Variants in ARID4B observed in about 807,000 individuals in gnomAD.
ARID4B encodes AT-rich interactive domain-containing protein 4B.
A neutral mutation model predicts 147.5 loss-of-function variants in ARID4B; 26 were observed. That is an observed-to-expected ratio of 0.18 (90% CI 0.13 to 0.24). The LOEUF (loss-of-function observed/expected upper bound fraction) is 0.24. ARID4B is among the 10% of genes least tolerant of loss of function. ARID4B has a pLI of 1.00. For synonymous variants in ARID4B, 512 were observed against 507.9 expected (o/e 1.01, Z -0.11); for missense variants, 1,179 against 1,511.5 (o/e 0.78, Z 3.65).
intron 2 of ARID4B, among the ~76,000 whole-genome samples, chr1:235,301,279 T>C (rs1673120279): frequency 6.6e-6 from 1 of 151,818 alleles, no homozygotes; most frequent in Non-Finnish European, 1.5e-5. Flanking sequence ...GGCTCACGCC[T>C]GTTATCTGAA....
intron 2 of ARID4B, among the ~76,000 whole-genome samples, chr1:235,262,860 TAATG>T (rs1391451368): frequency 2.6e-5 from 4 of 152,246 alleles, no homozygotes; most frequent in African/African-American, 9.6e-5. Context: ...GCACAAGTGA[TAATG>T]AATGTGTTTG....
chr1:235,302,153 G>GAAAAAAAAAAAAA (rs749154889), intron 2 of ARID4B, among the ~76,000 whole-genome samples: 7 of 30,640 alleles, frequency 2.3e-4, no homozygotes, highest in East Asian at 9.3e-4. Context: ...TCAAAAAACG[G>GAAAAAAAAAAAAA]AAAAAAAAAA....
intron 17 of ARID4B, among the ~76,000 whole-genome samples, chr1:235,206,186 G>A (rs777318982): frequency 6.6e-5 from 10 of 152,080 alleles, no homozygotes; most frequent in Non-Finnish European, 1.5e-4. Context: ...TCTAGATGTG[G>A]TAAGGGATAT....
intron 11 of ARID4B, among the ~76,000 whole-genome samples, chr1:235,225,968 A>G (rs560206975): frequency 9.9e-4 from 151 of 152,188 alleles, no homozygotes; most frequent in Non-Finnish European, 1.8e-3. Flanking sequence ...CCATACATTC[A>G]GGTTTTGGTA....
intron 3 of ARID4B, 44 bp downstream of exon 3, chr1:235,260,598 T>G (rs1463967039): frequency 1.2e-5 from 17 of 1,411,064 alleles, no homozygotes; most frequent in Non-Finnish European, 1.5e-5. Context: ...AGTTTACATA[T>G]CAAATGCTGA....
chr1:235,309,982 T>C (rs893155120), intron 2 of ARID4B, among the ~76,000 whole-genome samples: 1 of 152,032 alleles, frequency 6.6e-6, no homozygotes, highest in Non-Finnish European at 1.5e-5. Context: ...GAAGGCAGCA[T>C]GCTCCTTAAG....
Position 235,309,408 on chromosome 1 carries a change from G to C in ARID4B, c.6+17506C>G, listed in dbSNP as rs561448617. 7.3e-4 allele frequency among the ~76,000 whole-genome samples: 105 copies of C among 143,022 alleles called. 2 individuals are homozygous for C. Among genetic ancestry groups the C allele is most frequent in the Non-Finnish European group, 1.2e-3 (81 of 65,906 alleles). 93.8% of individuals were successfully genotyped at this position (143,022 alleles called of 152,430 possible). A position where few individuals can be genotyped will look rare whatever the true frequency, so the allele number is the denominator to read the frequency against. On this transcript the variant is annotated intron_variant, in intron 2 of 23. Transcript: ENST00000264183. The stretch of plus-strand genomic sequence containing the variant: ...GAGCGTCTCTGCCCGGCAGCCACCC[G>C]TCCGGGAGGGAGGTGGGGGGGTCAG...
chr1:235,323,231 G>A (rs1210274502), intron 2 of ARID4B, among the ~76,000 whole-genome samples: 4 of 151,568 alleles, frequency 2.6e-5, no homozygotes, highest in Admixed American at 2.6e-4. Context: ...GTAGAGACGG[G>A]GTTTTCATCA....
chr1:235,303,487 G>A (rs943245649), intron 2 of ARID4B, among the ~76,000 whole-genome samples: 8 of 152,096 alleles, frequency 5.3e-5, no homozygotes, highest in Admixed American at 1.3e-4. Context: ...ACTTTGAGGG[G>A]CCAAGGCAAG....
intron 17 of ARID4B, among the ~76,000 whole-genome samples, chr1:235,204,571 G>C (rs1666182857): frequency 6.6e-6 from 1 of 152,138 alleles, no homozygotes; most frequent in East Asian, 1.9e-4. Context: ...GCTATAAAAT[G>C]AAACGGAAGT....
intron 6 of ARID4B, among the ~76,000 whole-genome samples, chr1:235,248,144 T>C (rs1558243911): frequency 6.6e-6 from 1 of 152,106 alleles, no homozygotes; most frequent in Non-Finnish European, 1.5e-5. Flanking sequence ...CTCAACCTCC[T>C]GGGCTCAAGT....
chr1:235,208,634 C>T (rs1558202782), intron 17 of ARID4B, among the ~76,000 whole-genome samples: 1 of 151,926 alleles, frequency 6.6e-6, no homozygotes, highest in Non-Finnish European at 1.5e-5. Context: ...TACCTAGTAG[C>T]TGGGATTATA....
intron 13 of ARID4B, among the ~76,000 whole-genome samples, chr1:235,222,300 A>C (rs915110435): frequency 2.0e-4 from 31 of 152,204 alleles, no homozygotes; most frequent in Admixed American, 2.0e-3. Context: ...AATGGAGACA[A>C]ACATTTTTAA....
At chr1:235,273,787 C>T (rs1011667174) in intron 2 of ARID4B, among the ~76,000 whole-genome samples, 2 of 152,156 alleles carry the variant, frequency 1.3e-5, no homozygotes, top group African/African-American at 4.8e-5. Context: ...ATGGCACAGA[C>T]TACTTTGGAC....
At chr1:235,246,622 C>A in intron 6 of ARID4B, 111 bp from the exon 7 acceptor site, 1 of 705,674 alleles carries the variant, frequency 1.4e-6, no homozygotes, top group African/African-American at 1.8e-5. Context: ...TAAACTCTCC[C>A]CCCAGGGAAG....
chr1:235,170,311 C>T (rs974379712), intron 23 of ARID4B, among the ~76,000 whole-genome samples: 4 of 152,168 alleles, frequency 2.6e-5, no homozygotes, highest in Non-Finnish European at 5.9e-5. Flanking sequence ...GACCACATGG[C>T]CCACAAAGCC....
intron 2 of ARID4B, among the ~76,000 whole-genome samples, chr1:235,261,604 T>C (rs1238640309): frequency 6.6e-6 from 1 of 152,228 alleles, no homozygotes; most frequent in East Asian, 1.9e-4. Context: ...GAAAACTATA[T>C]GAAGAAAGTC....
chr1:235,203,082 A>C (rs913579501), intron 17 of ARID4B, among the ~76,000 whole-genome samples: 1 of 152,226 alleles, frequency 6.6e-6, no homozygotes, highest in African/African-American at 2.4e-5. Flanking sequence ...AAACTTTCTG[A>C]AAGAAGCCAC....
chr1:235,192,565 T>A (rs1365097331), intron 19 of ARID4B, among the ~76,000 whole-genome samples: 4 of 151,474 alleles, frequency 2.6e-5, no homozygotes, highest in Non-Finnish European at 5.9e-5. Context: ...AATGAGTTAA[T>A]ATAAACACAC....
Sources: allele counts gnomAD v4.1 joint callset (sites outside exome capture counted in the v4.1 genomes callset), GRCh38; gene constraint gnomAD v4.1.1; transcripts MANE v1.5; gene names NCBI Gene and HGNC (gene_info 2026-07-23, HGNC 2026-07-21).